Variants in LRRC37A2 observed in about 807,000 individuals in gnomAD.
LRRC37A2 encodes the protein leucine-rich repeat-containing protein 37A2.
LRRC37A2 carries 9 observed loss-of-function variants against 68.8 expected under a neutral mutation model. The observed-to-expected ratio is 0.13, with a 90% CI of 0.08 to 0.23. LRRC37A2 has a LOEUF of 0.23. LRRC37A2 is among the 10% of genes least tolerant of loss of function. LRRC37A2 has a pLI of 1.00. For missense variants in LRRC37A2, 168 were observed against 950.4 expected, an observed-to-expected ratio of 0.18 and a Z score of 10.82; for synonymous variants, 63 against 367.6, an observed-to-expected ratio of 0.17 and a Z score of 9.48.
the LRRC37A2 span, among the ~76,000 whole-genome samples, chr17:46,760,403 G>A: frequency 6.6e-6 from 1 of 151,928 alleles, no homozygotes; most frequent in African/African-American, 2.4e-5. Context: ...AGGCTGAGGT[G>A]GGAGATCATT....
the LRRC37A2 span, among the ~76,000 whole-genome samples, chr17:46,853,553 G>A: frequency 4.5e-3 from 683 of 151,858 alleles, 10 homozygotes; most frequent in African/African-American, 0.016. Context: ...TGTATTTTTA[G>A]TAGAGACAGT....
the LRRC37A2 span, among the ~76,000 whole-genome samples, chr17:46,849,847 A>T: frequency 2.4e-5 from 3 of 123,200 alleles, no homozygotes; most frequent in South Asian, 3.3e-4. Flanking sequence ...GGCATTTAAT[A>T]TCTTTTTTTT....
chr17:46,915,461 A>G, the LRRC37A2 span, among the ~76,000 whole-genome samples: 1 of 152,332 alleles, frequency 6.6e-6, no homozygotes, highest in South Asian at 2.1e-4. Flanking sequence ...TTGGTCCAGG[A>G]AGTCATTAAG....
At chr17:46,739,386 A>AG in the LRRC37A2 span, among the ~76,000 whole-genome samples, 1 of 149,558 alleles carries the variant, frequency 6.7e-6, no homozygotes, top group Non-Finnish European at 1.5e-5. Context: ...AAAAAAAAAA[A>AG]AAAAAAGCCA....
exon 10 of LRRC37A2, chr17:46,549,012 T>C (rs374361415): frequency 1.2e-4 from 187 of 1,612,126 alleles, no homozygotes; most frequent in Non-Finnish European, 1.5e-4. Flanking sequence ...GAGTTACAAA[T>C]ACGAAGACGT....
chr17:46,875,391 A>C, the LRRC37A2 span: 1 of 1,566,832 alleles, frequency 6.4e-7, no homozygotes, highest in East Asian at 2.3e-5. Context: ...GGCTGCCCGC[A>C]GTGCCTTCCC....
the LRRC37A2 span, among the ~76,000 whole-genome samples, chr17:46,909,199 T>A: frequency 6.6e-6 from 1 of 152,182 alleles, no homozygotes; most frequent in African/African-American, 2.4e-5. Context: ...GGCTAATTTT[T>A]AAAATTTTTT....
At chr17:46,846,198 G>A in the LRRC37A2 span, among the ~76,000 whole-genome samples, 1 of 152,218 alleles carries the variant, frequency 6.6e-6, no homozygotes, top group East Asian at 1.9e-4. Flanking sequence ...AACCGTTTCA[G>A]TACAGATGGC....
chr17:46,778,950 T>C, the LRRC37A2 span, among the ~76,000 whole-genome samples: 1 of 152,120 alleles, frequency 6.6e-6, no homozygotes, highest in African/African-American at 2.4e-5. Context: ...CCCAAAGTGC[T>C]GAACTGATTT....
At chr17:46,921,261 G>C in the LRRC37A2 span, 1 of 152,108 alleles carries the variant, frequency 6.6e-6, no homozygotes, top group African/African-American at 2.4e-5. Flanking sequence ...AATGGTGCTG[G>C]GAAAACTAGC....
At chr17:46,919,348 G>GA in the LRRC37A2 span, among the ~76,000 whole-genome samples, 3 of 152,004 alleles carry the variant, frequency 2.0e-5, no homozygotes, top group African/African-American at 7.2e-5. Context: ...ACAAGAAAAA[G>GA]AAAAAATGGG....
the LRRC37A2 span, chr17:46,872,626 C>T: frequency 5.2e-5 from 84 of 1,613,360 alleles, no homozygotes; most frequent in East Asian, 8.9e-5. Flanking sequence ...GCTGTCCCGG[C>T]GGCAGAAGCA....
chr17:46,858,209 CG>C, the LRRC37A2 span, among the ~76,000 whole-genome samples: 1 of 152,200 alleles, frequency 6.6e-6, no homozygotes, highest in Non-Finnish European at 1.5e-5. Context: ...GGATTACAGG[CG>C]TGAGCCACTT....
chr17:46,816,512 CACA>C, the LRRC37A2 span, among the ~76,000 whole-genome samples: 2 of 143,118 alleles, frequency 1.4e-5, no homozygotes, highest in African/African-American at 2.6e-5. Flanking sequence ...CACACACACA[CACA>C]CCTCTCTCCT....
chr17:46,953,491 A>T, the LRRC37A2 span, among the ~76,000 whole-genome samples: 2 of 152,202 alleles, frequency 1.3e-5, no homozygotes, highest in Admixed American at 1.3e-4. Flanking sequence ...TATTGTGAAT[A>T]GTGCCGCAAT....
chr17:46,770,844 G>T, the LRRC37A2 span, among the ~76,000 whole-genome samples: 2 of 152,222 alleles, frequency 1.3e-5, no homozygotes, highest in African/African-American at 4.8e-5. Flanking sequence ...CATTCACATG[G>T]AAAGTTTTAC....
the LRRC37A2 span, among the ~76,000 whole-genome samples, chr17:46,725,382 G>C: frequency 1.3e-5 from 2 of 152,112 alleles, no homozygotes; most frequent in Non-Finnish European, 2.9e-5. Flanking sequence ...GGTAATTAGG[G>C]GGTAAAGGGA....
the LRRC37A2 span, among the ~76,000 whole-genome samples, chr17:46,813,791 T>C: frequency 6.6e-6 from 1 of 152,356 alleles, no homozygotes; most frequent in South Asian, 2.1e-4. Flanking sequence ...CAATTCTACA[T>C]CTGCCCAAGT....
chr17:47,000,038 TAA>T, the LRRC37A2 span, among the ~76,000 whole-genome samples: 751 of 23,860 alleles, frequency 0.031, 70 homozygotes, highest in African/African-American at 0.054. Flanking sequence ...TAAAATAAAA[TAA>T]AATAAAATAA....
Sources: gnomAD v4.1 joint callset for allele counts (sites outside exome capture counted in the v4.1 genomes callset) on GRCh38, gnomAD v4.1.1 for gene constraint, MANE v1.5 for transcripts, NCBI Gene and HGNC (gene_info 2026-07-23, HGNC 2026-07-21) for gene names.